The following COL18A1 variants were observed in gnomAD, a reference collection of about 807,000 sequenced individuals.
COL18A1 encodes collagen alpha-1(XVIII) chain.
A neutral mutation model predicts 168.0 loss-of-function variants in COL18A1; 133 were observed. The ratio of observed to expected loss-of-function variants is 0.79; its 90% CI spans 0.69 to 0.91. The LOEUF (loss-of-function observed/expected upper bound fraction) is 0.91, where lower values mean the gene tolerates loss of function less well. COL18A1 is among the 40% of genes least tolerant of loss of function. COL18A1 has a pLI of 0.00. For synonymous variants in COL18A1, 949 were observed against 809.0 expected (o/e 1.17, Z -2.94); for missense variants, 2,126 against 1,925.4 (o/e 1.10, Z -1.95).
chr21:45,468,695 C>T lies in COL18A1; in HGVS notation c.560C>T (p.Pro187Leu), dbSNP rs768416568. The T allele has an allele frequency of 6.2e-7, 1 of 1,613,574 alleles. No homozygotes were observed. Among genetic ancestry groups the T allele is most frequent in the Non-Finnish European group, 8.5e-7 (1 of 1,180,000 alleles). The change falls in exon 3 of 42, where the codon CCG becomes CTG. Residue 187 changes from proline (P) to leucine (L), a missense_variant. Coordinates refer to ENST00000651438, the MANE Select transcript of COL18A1 (RefSeq NM_001379500.1). ...GACTGTGAGGAGTTCCAGAGAATGC[C>T]GCTTGCTCGGTCCTCACGGGGCCTG... ...YVDCEEFQRMPLARSSRGLEL... is the reference protein window; with the variant it reads ...YVDCEEFQRMLLARSSRGLEL...
intron 9 of COL18A1, among the ~76,000 whole-genome samples, chr21:45,479,225 A>C (rs1489647912): frequency 1.3e-5 from 2 of 152,132 alleles, no homozygotes; most frequent in Non-Finnish European, 2.9e-5. Context: ...CCACACATGC[A>C]CACACAGCAC....
At chr21:45,449,535 C>T (rs915114848) in intron 2 of COL18A1, among the ~76,000 whole-genome samples, 4 of 152,092 alleles carry the variant, frequency 2.6e-5, no homozygotes, top group Admixed American at 6.5e-5. Flanking sequence ...CAGAAGCCTC[C>T]ACCCTGCCCC....
At chr21:45,491,009 AG>A in intron 21 of COL18A1, 138 bp downstream of exon 21, 1 of 937,896 alleles carries the variant, frequency 1.1e-6, no homozygotes, top group Non-Finnish European at 1.7e-6. Context: ...TCAAGTTGAC[AG>A]GGGTGGCTTT....
intron 2 of COL18A1, among the ~76,000 whole-genome samples, chr21:45,412,593 C>T (rs954825412): frequency 1.3e-5 from 2 of 152,162 alleles, no homozygotes; most frequent in African/African-American, 2.4e-5. Flanking sequence ...TTTTCTGGTC[C>T]CTTTAGAGAT....
chr21:45,482,937 C>A lies in COL18A1; in HGVS notation c.1701+116C>A, dbSNP rs544849350. 249 of 1,455,998 alleles carry A rather than the reference C, an allele frequency of 1.7e-4. No individual in the cohort carries two copies. The African/African-American group carries it at 3.2e-3, about 19-fold the overall frequency. 90.2% of individuals were successfully genotyped at this position (1,455,998 alleles called of 1,614,324 possible). A position where few individuals can be genotyped will look rare whatever the true frequency, so the allele number is the denominator to read the frequency against. On this transcript the variant is annotated intron_variant, in intron 15 of 41. Transcript: ENST00000651438. ...AGAGAGTGAGCTCTCTTGGGGCTGG[C>A]CTTGACCCCCACTCCTGCCATCTGT...
intron 32 of COL18A1, among the ~76,000 whole-genome samples, chr21:45,500,481 G>GGTGGGT (rs1568933814): frequency 1.2e-4 from 7 of 60,538 alleles, no homozygotes; most frequent in Admixed American, 1.6e-4. Context: ...GGTGTGGTTT[G>GGTGGGT]GTGTGTTGCG....
intron 34 of COL18A1, among the ~76,000 whole-genome samples, chr21:45,504,793 G>T (rs767646662): frequency 1.3e-5 from 2 of 152,114 alleles, no homozygotes; most frequent in Admixed American, 6.5e-5. Flanking sequence ...CCTCCTGCTG[G>T]GGCCACGTGC....
In COL18A1 at chr21:45,463,695, G is replaced by C. The variant is rs112561800; in HGVS notation, c.107-4547G>C. ...TGCGGATCGCCTGAGGTCGGGAGTT[G>C]GAGACCAGCCTGACCAACACGGAGA... On this transcript the variant is annotated intron_variant, in intron 2 of 41. Coordinates refer to ENST00000651438, the MANE Select transcript of COL18A1 (RefSeq NM_001379500.1). The surrounding 1 kb of genome is among the most constrained non-coding windows in gnomAD (Gnocchi z 4.0). 0.029 allele frequency among the ~76,000 whole-genome samples: 4,486 copies of C among 152,156 alleles called. 232 individuals carry two copies. The highest frequency in any genetic ancestry group is 0.1 in the African/African-American group (4,238 of 41,488).
At chr21:45,462,126 T>A (rs1367639207) in intron 2 of COL18A1, among the ~76,000 whole-genome samples, 1 of 152,172 alleles carries the variant, frequency 6.6e-6, no homozygotes, top group African/African-American at 2.4e-5. Context: ...CTGTGACAAA[T>A]CTGCTGATAA....
intron 15 of COL18A1, among the ~76,000 whole-genome samples, chr21:45,484,997 GA>G (rs1339359806): frequency 6.6e-6 from 1 of 152,112 alleles, no homozygotes; most frequent in Non-Finnish European, 1.5e-5. Context: ...AAATTAGAAA[GA>G]GGTTTTCAAC....
At chr21:45,437,660 A>T (rs1223117153) in intron 2 of COL18A1, among the ~76,000 whole-genome samples, 6 of 63,622 alleles carry the variant, frequency 9.4e-5, no homozygotes, top group Non-Finnish European at 1.5e-4. Context: ...CTGCACACAC[A>T]CACACTCAGA....
At chr21:45,495,682 A>G (rs1246030678) in intron 29 of COL18A1, 2 of 491,668 alleles carry the variant, frequency 4.1e-6, no homozygotes, top group East Asian at 7.5e-5. Flanking sequence ...ACATGCATCT[A>G]TGCACATACA....
chr21:45,494,771 C>G (rs2036474754), intron 27 of COL18A1, 91 bp from the exon 28 acceptor site: 2 of 1,316,642 alleles, frequency 1.5e-6, no homozygotes, highest in Non-Finnish European at 2.1e-6. Context: ...GTGCTGTGCT[C>G]TGCATGGCCC....
chr21:45,445,795 T>C (rs1188314573), intron 2 of COL18A1, among the ~76,000 whole-genome samples: 1 of 152,250 alleles, frequency 6.6e-6, no homozygotes, highest in Non-Finnish European at 1.5e-5. Flanking sequence ...TTAGTTGGAT[T>C]ATTGTCTTTT....
chr21:45,505,359 T>A lies in COL18A1; in HGVS notation c.3015T>A (p.Thr1005=), dbSNP rs1314347964. The part of the protein sequence containing the change: ...PPSFPGPHRQ[T]ISVPGPPGPP... ...CCCACCTTGGTTTCTCTCCTGCAGC[T>A]ATCAGCGTTCCCGGCCCTCCGGGCC... Residue 1005 remains threonine (T), a splice_region_variant and synonymous_variant, in exon 36 of 42, where the codon ACT becomes ACA. Transcript: ENST00000651438. 6.3e-7 allele frequency: 1 copy of A among 1,587,256 alleles called. No individual in the cohort carries two copies. The highest frequency in any genetic ancestry group is 8.6e-7 in the Non-Finnish European group (1 of 1,157,804).
rs77596926 is a variant in COL18A1, at chr21:45,475,593, G to A, written c.798+58G>A. The A allele has an allele frequency of 0.15, 216,878 of 1,443,842 alleles. 19,593 individuals carry two copies. The highest frequency in any genetic ancestry group is 0.43 in the African/African-American group (30,313 of 71,222). 89.4% of individuals were successfully genotyped at this position (1,443,842 alleles called of 1,614,324 possible). ...CAGGGTCCCGGGAGAGCCCCTCCCA[G>A]CAGTGGGGTGACACATGTGCACACG... On this transcript the variant is annotated intron_variant, in intron 5 of 41. Coordinates refer to ENST00000651438, the MANE Select transcript of COL18A1 (RefSeq NM_001379500.1).
chr21:45,415,234 G>A (rs1344299520), intron 2 of COL18A1, among the ~76,000 whole-genome samples: 1 of 152,186 alleles, frequency 6.6e-6, no homozygotes, highest in South Asian at 2.1e-4. Flanking sequence ...TCTTGGATGT[G>A]TGCCGGCTTC....
At chr21:45,431,695 G>A (rs1228715597) in intron 2 of COL18A1, among the ~76,000 whole-genome samples, 1 of 152,018 alleles carries the variant, frequency 6.6e-6, no homozygotes, top group East Asian at 1.9e-4. Context: ...CAGACCCCAA[G>A]GCCCCCAAGA....
rs780033569 is a variant in COL18A1 at position 45,455,980 on chromosome 21, C to G, written c.107-12262C>G. 1.2e-4 allele frequency: 186 copies of G among 1,612,872 alleles called. No homozygotes were observed. The highest frequency in any genetic ancestry group is 1.5e-4 in the Non-Finnish European group (181 of 1,179,978). On this transcript the variant is annotated intron_variant, in intron 2 of 41. Coordinates refer to ENST00000651438, the MANE Select transcript of COL18A1 (RefSeq NM_001379500.1). Reference sequence around the variant, plus strand: ...CCCTGGTCCTGGAGACTCCTGTGGGCCCCCTTGCCCTCGCTGGGCCTTCCA... The same window carrying G: ...CCCTGGTCCTGGAGACTCCTGTGGGGCCCCTTGCCCTCGCTGGGCCTTCCA...
Sources: gnomAD v4.1 joint callset for allele counts (sites outside exome capture counted in the v4.1 genomes callset) on GRCh38, gnomAD v4.1.1 for gene constraint, Gnocchi (gnomAD v3.1) non-coding constraint, MANE v1.5 for transcripts, NCBI Gene and HGNC (gene_info 2026-07-23, HGNC 2026-07-21) for gene names.